Variants in PLTP observed in about 807,000 individuals in gnomAD.
PLTP encodes phospholipid transfer protein.
In PLTP, 43 loss-of-function variants were observed where a neutral mutation model predicts 54.1. That is an observed-to-expected ratio of 0.79 (90% CI 0.62 to 1.02). The LOEUF is 1.02. PLTP is among the 50% of genes least tolerant of loss of function. The pLI is 0.00. For missense variants in PLTP, 604 were observed against 645.9 expected, an observed-to-expected ratio of 0.94 and a Z score of 0.70; for synonymous variants, 263 against 264.6, an observed-to-expected ratio of 0.99 and a Z score of 0.06.
At chr20:45,909,453 T>C (rs2083269185) in intron 5 of PLTP, 63 bp downstream of exon 5, 2 of 1,572,770 alleles carry the variant, frequency 1.3e-6, no homozygotes, top group South Asian at 1.1e-5. Flanking sequence ...CACTTTGCAT[T>C]GCGCTAGGCA....
chr20:45,902,931 T>C (rs1051574139), intron 10 of PLTP, among the ~76,000 whole-genome samples: 1 of 152,210 alleles, frequency 6.6e-6, no homozygotes, highest in African/African-American at 2.4e-5. Context: ...TGATATGGAG[T>C]CTCACTTTGT....
chr20:45,911,785 G>C (rs2083296687), intron 1 of PLTP: 1 of 441,696 alleles, frequency 2.3e-6, no homozygotes, highest in South Asian at 2.1e-5. Context: ...TTCCTTTAGC[G>C]GTGGGCCCAT....
At chr20:45,901,428 T>C (rs979308889) in intron 12 of PLTP, among the ~76,000 whole-genome samples, 3 of 151,440 alleles carry the variant, frequency 2.0e-5, no homozygotes, top group Non-Finnish European at 4.4e-5. Flanking sequence ...TGAGACCCCA[T>C]CTCTACAAAA....
intron 8 of PLTP, among the ~76,000 whole-genome samples, chr20:45,905,940 A>AT (rs1260821037): frequency 6.6e-6 from 1 of 152,172 alleles, no homozygotes; most frequent in African/African-American, 2.4e-5. Context: ...TTGTATAGAA[A>AT]TTTATGTCCA....
At chr20:45,899,139 G>C in intron 15 of PLTP, 76 bp from the exon 16 acceptor site, 1 of 1,582,586 alleles carries the variant, frequency 6.3e-7, no homozygotes, top group Non-Finnish European at 8.7e-7. Context: ...GAGACAGAGT[G>C]TTTGTCTTTC....
chr20:45,899,200 G>A (rs2083149133), intron 15 of PLTP, 137 bp from the exon 16 acceptor site: 1 of 1,297,476 alleles, frequency 7.7e-7, no homozygotes, highest in Non-Finnish European at 1.1e-6. Context: ...AAATGAGGCT[G>A]TAGGAGTGTA....
chr20:45,911,794 A>C (rs913086287), intron 1 of PLTP: 3 of 426,712 alleles, frequency 7.0e-6, no homozygotes, highest in South Asian at 4.3e-5. Flanking sequence ...CGGTGGGCCC[A>C]TGCAGGCTTG....
intron 3 of PLTP, chr20:45,910,911 C>G (rs2083283675): frequency 7.1e-7 from 1 of 1,407,606 alleles, no homozygotes; most frequent in African/African-American, 1.4e-5. Context: ...TCCACTGGTC[C>G]TGCTTCCTTC....
chr20:45,911,507 A>T (rs753962876), intron 1 of PLTP, 44 bp from the exon 2 acceptor site: 221 of 1,597,902 alleles, frequency 1.4e-4, no homozygotes, highest in Non-Finnish European at 1.8e-4. Flanking sequence ...AGCCGCTTAA[A>T]CCCATTCCTT....
intron 7 of PLTP, among the ~76,000 whole-genome samples, chr20:45,907,219 C>T (rs1305871235): frequency 5.3e-5 from 8 of 151,014 alleles, no homozygotes; most frequent in African/African-American, 9.8e-5. Context: ...CCCAGCTACT[C>T]GAGATGCTGA....
At chr20:45,910,212 G>T in intron 3 of PLTP, 142 bp from the exon 4 acceptor site, 1 of 906,080 alleles carries the variant, frequency 1.1e-6, no homozygotes. Flanking sequence ...TCCCTCAAGT[G>T]CCCAACTTAG....
At chr20:45,900,384 C>A (rs11569658) in intron 12 of PLTP, among the ~76,000 whole-genome samples, 1 of 151,952 alleles carries the variant, frequency 6.6e-6, no homozygotes, top group Non-Finnish European at 1.5e-5. Flanking sequence ...GGATTACAGG[C>A]GTGAGCCACC....
At chr20:45,911,283 C>T (rs1229120873) in intron 2 of PLTP, 32 bp from the exon 3 acceptor site, 2 of 1,613,594 alleles carry the variant, frequency 1.2e-6, no homozygotes, top group Non-Finnish European at 1.7e-6. Flanking sequence ...TACTTAGCTC[C>T]CGTGCCCACT....
intron 3 of PLTP, chr20:45,910,752 T>G: frequency 1.1e-6 from 1 of 905,008 alleles, no homozygotes; most frequent in Non-Finnish European, 1.4e-6. Context: ...CTCAATTCCT[T>G]ATTCCCCCTC....
Position 45,904,994 on chromosome 20 carries a change from A to C in PLTP, c.830T>G (p.Met277Arg). 1 of 1,614,206 alleles carries C rather than the reference A, an allele frequency of 6.2e-7. No individual in the cohort carries two copies. The highest frequency in any genetic ancestry group is 1.1e-5 in the South Asian group (1 of 91,080). The change falls in exon 9 of 16, where the codon ATG becomes AGG. Residue 277 changes from methionine (M) to arginine (R), a missense_variant. Coordinates refer to ENST00000372431, the MANE Select transcript of PLTP (RefSeq NM_006227.4). ...AFSEFFFDSAMESYFRAGALQ... is the reference protein window; with the variant it reads ...AFSEFFFDSARESYFRAGALQ... ...GGCCCCCGCCCGGAAGTAGCTCTCC[A>C]TGGCAGAGTCGAAGAAGAACTCAGA...
Position 45,909,509 on chromosome 20 carries a change from G to A in PLTP, c.485+7C>T, listed in dbSNP as rs2083269901. On this transcript the variant is annotated splice_region_variant and intron_variant, in intron 5 of 15. Coordinates refer to ENST00000372431, the MANE Select transcript of PLTP (RefSeq NM_006227.4). ...AAGGGTGAGCTGGGGTTGGGGCTGG[G>A]GCTTACTTGAAGGTTCCCCCGAAGG... The A allele has an allele frequency of 6.2e-7, 1 of 1,613,894 alleles. No individual in the cohort carries two copies. Among genetic ancestry groups the A allele is most frequent in the Non-Finnish European group, 8.5e-7 (1 of 1,179,998 alleles).
Position 45,909,595 on chromosome 20 carries a change from C to T in PLTP, c.406G>A (p.Ala136Thr). The T allele has an allele frequency of 3.1e-6, 5 of 1,614,156 alleles. No homozygotes were observed. Among genetic ancestry groups the T allele is most frequent in the Middle Eastern group, 1.6e-4 (1 of 6,062 alleles). Residue 136 changes from alanine (A) to threonine (T), a missense_variant, in exon 5 of 16, where the codon GCT (alanine) becomes ACT (threonine). By Grantham distance (58) the Ala-to-Thr change is moderately conservative. Transcript: ENST00000372431. ...ACATTGGACACTTTCATCCGTCCAG[C>T]GGGATCCCGGGAGAGCTCCAGACCA... ...RTGLELSRDP[A>T]GRMKVSNVSC...
In PLTP at chr20:45,905,966, T is replaced by TTGGGGAAAGGCCGTGCA. The variant is rs1487904123; in HGVS notation, c.705+285_705+301dup. On this transcript the variant is annotated intron_variant, in intron 8 of 15. Transcript: ENST00000372431. Reference sequence around the variant, plus strand: ...TTTATGTCCAGCTCCTTCGGGGGAGTTGGGGAAAGGCCGTGCATGAGCAAA... The same window carrying TTGGGGAAAGGCCGTGCA: ...TTTATGTCCAGCTCCTTCGGGGGAGTTGGGGAAAGGCCGTGCATGGGGAAAGGCCGTGCATGAGCAAA... Among the ~76,000 whole-genome samples the TTGGGGAAAGGCCGTGCA allele has an allele frequency of 2.0e-5, 3 of 151,620 alleles. No individual in the cohort carries two copies. The East Asian group carries it at 5.8e-4, about 29-fold the overall frequency.
intron 5 of PLTP, among the ~76,000 whole-genome samples, chr20:45,908,231 TG>T (rs952269078): frequency 9.9e-5 from 15 of 152,180 alleles, no homozygotes; most frequent in Admixed American, 3.9e-4. Flanking sequence ...TTTTCCCATC[TG>T]AGCTCAGATG....
Sources: allele counts gnomAD v4.1 joint callset (sites outside exome capture counted in the v4.1 genomes callset), GRCh38; gene constraint gnomAD v4.1.1; transcripts MANE v1.5; gene names NCBI Gene and HGNC (gene_info 2026-07-23, HGNC 2026-07-21).